NOL10: variants seen among roughly 807,000 people sequenced by gnomAD.
NOL10 encodes nucleolar protein 10, also known as H_NH0074G24.1.
Under a neutral mutation model 103.5 loss-of-function variants are expected in NOL10, and 58 were observed. The observed-to-expected ratio is 0.56, with a 90% CI of 0.45 to 0.70. The LOEUF (loss-of-function observed/expected upper bound fraction) is 0.70. NOL10 is among the 30% of genes least tolerant of loss of function. The pLI is 0.00. For synonymous variants in NOL10, 287 were observed against 282.5 expected, an observed-to-expected ratio of 1.02 and a Z score of -0.16; for missense variants, 763 against 807.3, an observed-to-expected ratio of 0.95 and a Z score of 0.67.
At chr2:10,666,271 A>G (rs1340524430) in intron 8 of NOL10, among the ~76,000 whole-genome samples, 1 of 152,214 alleles carries the variant, frequency 6.6e-6, no homozygotes, top group Non-Finnish European at 1.5e-5. Context: ...ATTTGAGTAA[A>G]AAAAAAACCA....
Position 10,659,259 on chromosome 2 carries a change from CA to C in NOL10, c.678-10del. ...TTGGTAAACTGTTTATCCTGAAAAG[CA>C]AAATATTCATGCTTCATGAATATAC... On this transcript the variant is annotated splice_polypyrimidine_tract_variant and intron_variant, in intron 9 of 20. Coordinates refer to ENST00000381685, the MANE Select transcript of NOL10 (RefSeq NM_024894.4). 1 of 1,513,928 alleles carries C rather than the reference CA, an allele frequency of 6.6e-7. No homozygotes were observed. Among genetic ancestry groups the C allele is most frequent in the Non-Finnish European group, 9.0e-7 (1 of 1,115,650 alleles). The allele number at this position is 1,513,928 out of a possible 1,614,324, so 93.8% of individuals were successfully genotyped here. A position where few individuals can be genotyped will look rare whatever the true frequency, so the allele number is the denominator to read the frequency against.
intron 13 of NOL10, among the ~76,000 whole-genome samples, chr2:10,614,149 A>T (rs1438569875): frequency 1.3e-5 from 2 of 152,086 alleles, no homozygotes; most frequent in African/African-American, 4.8e-5. Flanking sequence ...TAGTAGAGAC[A>T]GTGTTTCACC....
At chr2:10,601,236 T>C (rs902937732) in intron 16 of NOL10, among the ~76,000 whole-genome samples, 1 of 152,144 alleles carries the variant, frequency 6.6e-6, no homozygotes, top group African/African-American at 2.4e-5. Context: ...GCTAATTTTT[T>C]GTATTTTTAG....
At chr2:10,595,914 G>A (rs1334929189) in intron 17 of NOL10, among the ~76,000 whole-genome samples, 1 of 151,916 alleles carries the variant, frequency 6.6e-6, no homozygotes, top group Non-Finnish European at 1.5e-5. Flanking sequence ...GTTAGGCACT[G>A]TGCCCAGACT....
At position 10,571,855 on chromosome 2, in the gene NOL10, C is replaced by G. The variant is rs1045597; in HGVS notation, c.*216G>C. On this transcript the variant is annotated 3_prime_UTR_variant, in exon 21 of 21. Coordinates refer to ENST00000381685, the MANE Select transcript of NOL10 (RefSeq NM_024894.4). The stretch of plus-strand genomic sequence containing the variant: ...ACAATGTTTCCAGGGAGCAACGACT[C>G]GCAAGCACACCCCTGGGGCTGTGCG... The G allele has an allele frequency of 4.6e-6, 2 of 436,382 alleles. No homozygotes were observed. The highest frequency in any genetic ancestry group is 2.0e-5 in the African/African-American group (1 of 49,734). The allele number at this position is 436,382 out of a possible 1,614,324, so 27.0% of individuals were successfully genotyped here.
Position 10,615,204 on chromosome 2 carries a change from TCAG to T in NOL10, c.1027-7896_1027-7894del, listed in dbSNP as rs1173119503. Among the ~76,000 whole-genome samples the T allele has an allele frequency of 2.6e-5, 4 of 152,336 alleles. No homozygotes were observed. The East Asian group carries it at 7.7e-4, about 29-fold the overall frequency. ...ACTTGTAGTGTTTTGTTCTTAAAAA[TCAG>T]ATTAGCAAAGAAGCAATTTAATTTC... On this transcript the variant is annotated intron_variant, in intron 13 of 20. Transcript: ENST00000381685.
chr2:10,652,247 A>C lies in NOL10; in HGVS notation c.973+2234T>G, dbSNP rs865815837. Among the ~76,000 whole-genome samples, 260 of 39,284 alleles carry C rather than the reference A, an allele frequency of 6.6e-3. 3 individuals are homozygous for C. The highest frequency in any genetic ancestry group is 0.062 in the Middle Eastern group (1 of 16). The allele number at this position is 39,284 out of a possible 152,430, so 25.8% of individuals were successfully genotyped here. A position where few individuals can be genotyped will look rare whatever the true frequency, so the allele number is the denominator to read the frequency against. On this transcript the variant is annotated intron_variant, in intron 12 of 20. Coordinates refer to ENST00000381685, the MANE Select transcript of NOL10 (RefSeq NM_024894.4). ...AGAGGGAGACTCTGTCTCAAAAAAA[A>C]AAAAGAAAAAAAAGAAAAAAGAAAA...
At chr2:10,603,582 A>G (rs1676097689) in intron 14 of NOL10, among the ~76,000 whole-genome samples, 1 of 152,214 alleles carries the variant, frequency 6.6e-6, no homozygotes, top group Non-Finnish European at 1.5e-5. Context: ...TCACAAAAAC[A>G]ACGTAGAAAG....
At chr2:10,664,929 A>C (rs115275735) in intron 8 of NOL10, among the ~76,000 whole-genome samples, 7 of 152,236 alleles carry the variant, frequency 4.6e-5, no homozygotes, top group Non-Finnish European at 8.8e-5. Context: ...GGAAACAGGA[A>C]TAGGACAGGG....
chr2:10,585,113 C>G (rs2148152996), intron 19 of NOL10, among the ~76,000 whole-genome samples: 1 of 152,270 alleles, frequency 6.6e-6, no homozygotes, highest in Non-Finnish European at 1.5e-5. Context: ...GATGTGTTGT[C>G]ATGGCAAAAA....
rs1225596197 is a variant in NOL10, at chr2:10,633,489, C to T, written c.1026+10831G>A. Among the ~76,000 whole-genome samples, 7 of 151,276 alleles carry T rather than the reference C, an allele frequency of 4.6e-5. No individual in the cohort carries two copies. The East Asian group carries it at 1.2e-3, about 25-fold the overall frequency. On this transcript the variant is annotated intron_variant, in intron 13 of 20. Transcript: ENST00000381685. ...TAATATACAGCCCATAAGTTATTCC[C>T]CACTTATGGTAACAGTGGCTGGGGA...
intron 20 of NOL10, 122 bp from the exon 21 acceptor site, chr2:10,572,312 G>A: frequency 9.5e-7 from 1 of 1,047,558 alleles, no homozygotes; most frequent in South Asian, 1.4e-5. Context: ...GAGAAATGCT[G>A]CCCACAGGCT....
intron 8 of NOL10, among the ~76,000 whole-genome samples, chr2:10,664,920 G>GA (rs34002911): frequency 0.2 from 31,185 of 152,188 alleles, 4,198 homozygotes; most frequent in Non-Finnish European, 0.3. Context: ...TTTACCTAAG[G>GA]AAACAGGAAT....
At position 10,666,703 on chromosome 2, in the gene NOL10, TAA is replaced by T. The variant is rs56015136; in HGVS notation, c.591+513_591+514del. Among the ~76,000 whole-genome samples the T allele has an allele frequency of 8.0e-3, 1,184 of 147,702 alleles. 15 individuals carry two copies. The highest frequency in any genetic ancestry group is 0.023 in the African/African-American group (927 of 40,476). On this transcript the variant is annotated intron_variant, in intron 8 of 20. Transcript: ENST00000381685. ...GATGTATATTATATACTGTTATGTC[TAA>T]AAAAAAAAAAGCAAATGGAGAACTA...
chr2:10,589,449 A>G, intron 18 of NOL10, 129 bp downstream of exon 18: 1 of 1,221,602 alleles, frequency 8.2e-7, no homozygotes, highest in Non-Finnish European at 1.1e-6. Flanking sequence ...AATACTCCTA[A>G]GCCCAATGTC....
At chr2:10,633,567 G>A (rs1677983399) in intron 13 of NOL10, among the ~76,000 whole-genome samples, 1 of 151,814 alleles carries the variant, frequency 6.6e-6, no homozygotes, top group South Asian at 2.1e-4. Flanking sequence ...AGTGGCTGAG[G>A]ATTTGGTTTA....
chr2:10,669,869 C>A (rs999896448), intron 6 of NOL10, among the ~76,000 whole-genome samples: 3 of 150,994 alleles, frequency 2.0e-5, no homozygotes, highest in Non-Finnish European at 4.4e-5. Flanking sequence ...TCCAGCCTGG[C>A]GACAGAGCGA....
At chr2:10,659,646 G>A (rs952830791) in intron 9 of NOL10, among the ~76,000 whole-genome samples, 25 of 152,108 alleles carry the variant, frequency 1.6e-4, no homozygotes, top group Non-Finnish European at 1.8e-4. Flanking sequence ...TCATTCCACT[G>A]CGCTGCAGTG....
chr2:10,589,711 AT>A lies in NOL10; in HGVS notation c.1462del (p.Met488CysfsTer9). 6.4e-7 allele frequency: 1 copy of A among 1,572,174 alleles called. No homozygotes were observed. On this transcript the variant is annotated frameshift_variant, in exon 18 of 21. Coordinates refer to ENST00000381685, the MANE Select transcript of NOL10 (RefSeq NM_024894.4). LOFTEE classifies it high-confidence loss of function. Reference sequence around the variant, plus strand: ...TACTTGGAAGTCAGGGTTCTCAAACATAACTTTAAATCGATCATCGGTGAGA... The same window carrying A: ...TACTTGGAAGTCAGGGTTCTCAAACAAACTTTAAATCGATCATCGGTGAGA... ...NILTDDRFKV[M>X]FENPDFQVDE...
Sources: gnomAD v4.1 joint callset for allele counts (sites outside exome capture counted in the v4.1 genomes callset) on GRCh38, gnomAD v4.1.1 for gene constraint, MANE v1.5 for transcripts, NCBI Gene and HGNC (gene_info 2026-07-23, HGNC 2026-07-21) for gene names.